Variants in CDKAL1 observed in about 807,000 individuals in gnomAD.
The protein encoded by CDKAL1 is CDKAL1 threonylcarbamoyladenosine tRNA methylthiotransferase, also known as threonylcarbamoyladenosine tRNA methylthiotransferase.
A neutral mutation model predicts 68.2 loss-of-function variants in CDKAL1; 32 were observed. The ratio of observed to expected loss-of-function variants is 0.47; its 90% confidence interval spans 0.35 to 0.63. The LOEUF (loss-of-function observed/expected upper bound fraction) is 0.63, where lower values mean the gene tolerates loss of function less well. Among genes scored for constraint, CDKAL1 ranks in the 30% least tolerant of loss-of-function variants. The pLI is 0.00. For synonymous variants in CDKAL1, 234 were observed against 244.3 expected (o/e 0.96, Z 0.39); for missense variants, 606 against 696.7 (o/e 0.87, Z 1.47).
chr6:20,926,415 G>A (rs1033825740), intron 9 of CDKAL1, among the ~76,000 whole-genome samples: 23 of 152,006 alleles, frequency 1.5e-4, no homozygotes, highest in Non-Finnish European at 2.9e-4. Context: ...TAAAAAAAGA[G>A]ACTTCAGGAA....
intron 5 of CDKAL1, among the ~76,000 whole-genome samples, chr6:20,653,708 G>A (rs1768882398): frequency 6.6e-6 from 1 of 151,098 alleles, no homozygotes; most frequent in Non-Finnish European, 1.5e-5. Context: ...TCCAACTCCC[G>A]GGTTCAAGTG....
At chr6:20,980,692 A>C (rs1466516445) in intron 10 of CDKAL1, among the ~76,000 whole-genome samples, 1 of 152,164 alleles carries the variant, frequency 6.6e-6, no homozygotes, top group African/African-American at 2.4e-5. Flanking sequence ...ATGTTGCTTA[A>C]AAAAGGCAAC....
chr6:21,206,976 G>A (rs949728622), intron 15 of CDKAL1, among the ~76,000 whole-genome samples: 3 of 150,182 alleles, frequency 2.0e-5, no homozygotes, highest in Non-Finnish European at 3.0e-5. Flanking sequence ...ACCCAGGCGC[G>A]ATCTCGGCTC....
At chr6:20,643,875 A>T (rs1210547756) in intron 4 of CDKAL1, among the ~76,000 whole-genome samples, 2 of 151,970 alleles carry the variant, frequency 1.3e-5, no homozygotes, top group Non-Finnish European at 2.9e-5. Context: ...CCCAGGCTGG[A>T]GTGCAGTGGT....
At chr6:21,136,824 G>T (rs1337419401) in intron 13 of CDKAL1, among the ~76,000 whole-genome samples, 2 of 152,090 alleles carry the variant, frequency 1.3e-5, no homozygotes, top group Non-Finnish European at 2.9e-5. Context: ...CAAATAACTT[G>T]TCCAGTGCTT....
At chr6:21,043,465 T>C (rs1327794524) in intron 11 of CDKAL1, among the ~76,000 whole-genome samples, 1 of 152,184 alleles carries the variant, frequency 6.6e-6, no homozygotes, top group Non-Finnish European at 1.5e-5. Context: ...CATTTTACTC[T>C]ACTTAGAGAT....
intron 8 of CDKAL1, among the ~76,000 whole-genome samples, chr6:20,812,270 A>T (rs1449936303): frequency 6.6e-6 from 1 of 152,118 alleles, no homozygotes; most frequent in African/African-American, 2.4e-5. Flanking sequence ...TTTTTGTTTT[A>T]ATTTTTAACC....
intron 13 of CDKAL1, among the ~76,000 whole-genome samples, chr6:21,136,327 C>T (rs1775596195): frequency 6.6e-6 from 1 of 152,180 alleles, no homozygotes; most frequent in Non-Finnish European, 1.5e-5. Context: ...AAAATACAAA[C>T]AGTAAGATTC....
chr6:20,989,120 C>A (rs373548433), intron 10 of CDKAL1, among the ~76,000 whole-genome samples: 4 of 151,872 alleles, frequency 2.6e-5, no homozygotes, highest in Admixed American at 2.6e-4. Context: ...AACAGTAATA[C>A]GGTTTACCGC....
chr6:21,166,960 C>T (rs1777179435), intron 13 of CDKAL1, among the ~76,000 whole-genome samples: 1 of 152,192 alleles, frequency 6.6e-6, no homozygotes, highest in Non-Finnish European at 1.5e-5. Context: ...CCACCATATA[C>T]CAGCTGGGTG....
chr6:21,070,911 C>A (rs1771737953), intron 12 of CDKAL1, among the ~76,000 whole-genome samples: 1 of 152,166 alleles, frequency 6.6e-6, no homozygotes, highest in Admixed American at 6.5e-5. Flanking sequence ...TCAGGCCCCA[C>A]CCTAGACCTG....
intron 5 of CDKAL1, among the ~76,000 whole-genome samples, chr6:20,670,053 AAG>A (rs1769737422): frequency 6.6e-6 from 1 of 152,170 alleles, no homozygotes; most frequent in African/African-American, 2.4e-5. Flanking sequence ...CTTTTCTTAT[AAG>A]TAACTCTGCT....
intron 5 of CDKAL1, among the ~76,000 whole-genome samples, chr6:20,657,446 T>C (rs985282262): frequency 6.6e-6 from 1 of 152,222 alleles, no homozygotes; most frequent in African/African-American, 2.4e-5. Flanking sequence ...CTGTGTGTCA[T>C]CATCTCTCGA....
At chr6:21,124,178 C>T (rs1351414537) in intron 13 of CDKAL1, among the ~76,000 whole-genome samples, 1 of 152,182 alleles carries the variant, frequency 6.6e-6, no homozygotes, top group Non-Finnish European at 1.5e-5. Flanking sequence ...TCAAGGATTG[C>T]AAAATACTTA....
At chr6:20,545,872 A>G (rs1763580354) in intron 2 of CDKAL1, among the ~76,000 whole-genome samples, 1 of 152,264 alleles carries the variant, frequency 6.6e-6, no homozygotes, top group Admixed American at 6.5e-5. Context: ...TATAAGGACA[A>G]TACTTTATAT....
intron 11 of CDKAL1, among the ~76,000 whole-genome samples, chr6:21,008,860 A>G (rs1164282300): frequency 2.0e-5 from 3 of 152,198 alleles, no homozygotes; most frequent in African/African-American, 7.2e-5. Flanking sequence ...GTCTGTTTTA[A>G]TTAAAGTTCT....
chr6:21,072,825 C>T (rs1771865291), intron 12 of CDKAL1, among the ~76,000 whole-genome samples: 1 of 152,124 alleles, frequency 6.6e-6, no homozygotes, highest in South Asian at 2.1e-4. Flanking sequence ...AACGAACCTA[C>T]ATTACATATC....
intron 12 of CDKAL1, among the ~76,000 whole-genome samples, chr6:21,106,707 T>A (rs1024280450): frequency 6.6e-6 from 1 of 152,210 alleles, no homozygotes; most frequent in African/African-American, 2.4e-5. Context: ...TACGGGAGGA[T>A]GTGTATAGGT....
chr6:20,785,674 A>T (rs1775642579), intron 8 of CDKAL1, among the ~76,000 whole-genome samples: 1 of 152,060 alleles, frequency 6.6e-6, no homozygotes, highest in Admixed American at 6.6e-5. Flanking sequence ...TAAATGTTTT[A>T]ATATGATTAT....
Sources: gnomAD v4.1 joint callset for allele counts (sites outside exome capture counted in the v4.1 genomes callset) on GRCh38, gnomAD v4.1.1 for gene constraint, MANE v1.5 for transcripts, NCBI Gene and HGNC (gene_info 2026-07-23, HGNC 2026-07-21) for gene names.